The following ARB2A variants were observed in gnomAD, a reference collection of about 807,000 sequenced individuals.
ARB2A encodes cotranscriptional regulator ARB2A.
the ARB2A span, among the ~76,000 whole-genome samples, chr5:93,884,558 A>C: frequency 6.6e-6 from 1 of 151,610 alleles, no homozygotes; most frequent in Non-Finnish European, 1.5e-5. Flanking sequence ...AAGATTTGTT[A>C]TCATTTAGAT....
the ARB2A span, among the ~76,000 whole-genome samples, chr5:94,090,380 C>T: frequency 6.6e-6 from 1 of 152,044 alleles, no homozygotes. Flanking sequence ...ATTTTGTATC[C>T]TGAGAATTTG....
chr5:93,844,698 GACAGCTGGACACCACAT>G, the ARB2A span, among the ~76,000 whole-genome samples: 5 of 152,110 alleles, frequency 3.3e-5, no homozygotes, highest in Admixed American at 2.0e-4. Flanking sequence ...ATGCTAAGAT[GACAGCTGGACACCACAT>G]ACAGCAGTTA....
At chr5:93,860,225 G>A in the ARB2A span, among the ~76,000 whole-genome samples, 12 of 152,162 alleles carry the variant, frequency 7.9e-5, no homozygotes, top group East Asian at 3.9e-4. Context: ...CCCAGGAGGC[G>A]GAGCTTGCAG....
chr5:93,974,965 T>C, the ARB2A span, among the ~76,000 whole-genome samples: 1 of 151,994 alleles, frequency 6.6e-6, no homozygotes, highest in Non-Finnish European at 1.5e-5. Flanking sequence ...ACCTCTGGGA[T>C]GTGGCAAAAG....
At chr5:93,873,172 G>T in the ARB2A span, among the ~76,000 whole-genome samples, 4 of 151,828 alleles carry the variant, frequency 2.6e-5, no homozygotes, top group Non-Finnish European at 5.9e-5. Flanking sequence ...TGCACCTGTA[G>T]TCCCAGCTAC....
chr5:93,701,584 T>TC, the ARB2A span, among the ~76,000 whole-genome samples: 12 of 152,266 alleles, frequency 7.9e-5, no homozygotes, highest in Admixed American at 7.2e-4. Context: ...CCCTGTTTTT[T>TC]TTTTTAATTA....
At chr5:93,844,127 A>C in the ARB2A span, among the ~76,000 whole-genome samples, 2 of 151,934 alleles carry the variant, frequency 1.3e-5, no homozygotes, top group East Asian at 3.9e-4. Context: ...AAACAAAAAA[A>C]AAAACAAAAA....
chr5:93,720,387 G>A, the ARB2A span, among the ~76,000 whole-genome samples: 1 of 152,094 alleles, frequency 6.6e-6, no homozygotes, highest in Non-Finnish European at 1.5e-5. Flanking sequence ...TTGTCATAAT[G>A]TCTATTTAGA....
the ARB2A span, chr5:93,805,913 A>G: frequency 1.0e-6 from 1 of 985,158 alleles, no homozygotes; most frequent in Non-Finnish European, 1.2e-6. Flanking sequence ...TTGTTTGATC[A>G]TGAGTTGCTG....
the ARB2A span, among the ~76,000 whole-genome samples, chr5:94,058,858 G>T: frequency 6.6e-6 from 1 of 152,108 alleles, no homozygotes; most frequent in African/African-American, 2.4e-5. Flanking sequence ...GAGGTGTTTG[G>T]GTCATGGGGG....
the ARB2A span, among the ~76,000 whole-genome samples, chr5:93,755,606 C>G: frequency 1.1e-4 from 16 of 152,376 alleles, no homozygotes; most frequent in East Asian, 2.5e-3. Context: ...CCCAAACACA[C>G]AGCCCCACTG....
At chr5:93,945,641 T>C in the ARB2A span, among the ~76,000 whole-genome samples, 5 of 151,684 alleles carry the variant, frequency 3.3e-5, no homozygotes, top group African/African-American at 7.3e-5. Context: ...AAATATAGAA[T>C]AAAAATAAGA....
At chr5:94,071,802 T>A in the ARB2A span, among the ~76,000 whole-genome samples, 3 of 152,118 alleles carry the variant, frequency 2.0e-5, no homozygotes, top group Admixed American at 2.0e-4. Flanking sequence ...GAAAATAATT[T>A]GGTATTGTCT....
At chr5:93,644,598 A>G in the ARB2A span, among the ~76,000 whole-genome samples, 1 of 152,232 alleles carries the variant, frequency 6.6e-6, no homozygotes, top group East Asian at 1.9e-4. Context: ...TATACCAGAA[A>G]AAACAGAATA....
At chr5:94,082,394 C>T in the ARB2A span, among the ~76,000 whole-genome samples, 1 of 152,122 alleles carries the variant, frequency 6.6e-6, no homozygotes, top group Admixed American at 6.5e-5. Flanking sequence ...CAAATTACTT[C>T]GAAGTTAGAA....
chr5:94,090,787 G>A, the ARB2A span, among the ~76,000 whole-genome samples: 1 of 152,188 alleles, frequency 6.6e-6, no homozygotes, highest in East Asian at 1.9e-4. Flanking sequence ...GATAACATGT[G>A]GTTTTTGTCA....
chr5:93,731,036 A>G, the ARB2A span, among the ~76,000 whole-genome samples: 2 of 152,220 alleles, frequency 1.3e-5, no homozygotes, highest in Admixed American at 6.5e-5. Context: ...CCTTTCCATC[A>G]TACCACCTTA....
the ARB2A span, among the ~76,000 whole-genome samples, chr5:93,859,527 A>G: frequency 6.6e-6 from 1 of 152,194 alleles, no homozygotes; most frequent in South Asian, 2.1e-4. Flanking sequence ...CTATACTAAA[A>G]TTAAGAATGT....
the ARB2A span, among the ~76,000 whole-genome samples, chr5:93,750,431 A>G: frequency 6.6e-6 from 1 of 152,248 alleles, no homozygotes; most frequent in Non-Finnish European, 1.5e-5. Context: ...TCACTGTAAT[A>G]TTCAAACTGA....
Sources: gnomAD v4.1 joint callset for allele counts (sites outside exome capture counted in the v4.1 genomes callset) on GRCh38, gnomAD v4.1.1 for gene constraint, MANE v1.5 for transcripts, NCBI Gene and HGNC (gene_info 2026-07-23, HGNC 2026-07-21) for gene names.